Variants in ZEB1 observed in about 807,000 individuals in gnomAD.
ZEB1 encodes the protein zinc finger E-box-binding homeobox 1.
Under a neutral mutation model 84.9 loss-of-function variants are expected in ZEB1, and 21 were observed. That is an observed-to-expected ratio of 0.25 (90% confidence interval 0.18 to 0.36). The LOEUF (loss-of-function observed/expected upper bound fraction) is 0.36. Among genes scored for constraint, ZEB1 ranks in the 10% least tolerant of loss-of-function variants. ZEB1 has a pLI of 1.00. For synonymous variants in ZEB1, 420 were observed against 471.1 expected (o/e 0.89, Z 1.41); for missense variants, 1,104 against 1,330.2 (o/e 0.83, Z 2.65).
At chr10:31,511,330 GT>G (rs558219246) in intron 5 of ZEB1, among the ~76,000 whole-genome samples, 4 of 152,028 alleles carry the variant, frequency 2.6e-5, no homozygotes, top group African/African-American at 7.2e-5. Context: ...AAGCTACGTG[GT>G]TTTTTTCCCC....
intron 6 of ZEB1, among the ~76,000 whole-genome samples, chr10:31,518,413 T>TA (rs2071598923): frequency 6.6e-6 from 1 of 152,128 alleles, no homozygotes; most frequent in South Asian, 2.1e-4. Flanking sequence ...GAAGAAAAGT[T>TA]ACACTTGTTC....
At chr10:31,337,282 T>C (rs987078298) in intron 1 of ZEB1, among the ~76,000 whole-genome samples, 2 of 152,076 alleles carry the variant, frequency 1.3e-5, no homozygotes, top group Non-Finnish European at 2.9e-5. Flanking sequence ...AATACAAGTC[T>C]ATGATAAACA....
chr10:31,365,749 G>T (rs985383494), intron 1 of ZEB1, among the ~76,000 whole-genome samples: 1 of 152,106 alleles, frequency 6.6e-6, no homozygotes, highest in African/African-American at 2.4e-5. Flanking sequence ...AAAATTTTTT[G>T]AAAAAGTAGG....
At chr10:31,498,557 A>C (rs1005154473) in intron 3 of ZEB1, among the ~76,000 whole-genome samples, 3 of 152,092 alleles carry the variant, frequency 2.0e-5, no homozygotes, top group African/African-American at 7.2e-5. Flanking sequence ...TAATTCTTAC[A>C]ACAACCCTAA....
chr10:31,441,826 A>T lies in ZEB1; in HGVS notation c.59-19211A>T, dbSNP rs183747438. On this transcript the variant is annotated intron_variant, in intron 1 of 8. Coordinates refer to ENST00000424869, the MANE Select transcript of ZEB1 (RefSeq NM_001174096.2). ...GAAAAAATGCTCATTATCACTGGCC[A>T]TCAGAGAAATGCAAATCAAAACCAC... Among the ~76,000 whole-genome samples the T allele has an allele frequency of 3.3e-5, 5 of 152,392 alleles. No homozygotes were observed. In the East Asian group the frequency reaches 9.6e-4, roughly 29 times the overall value.
At chr10:31,505,372 C>T (rs1391493194) in intron 4 of ZEB1, among the ~76,000 whole-genome samples, 3 of 152,104 alleles carry the variant, frequency 2.0e-5, no homozygotes, top group Non-Finnish European at 2.9e-5. Context: ...AGTGTTAGCT[C>T]TTCTTTGACA....
chr10:31,517,070 A>G (rs189346176), intron 6 of ZEB1, among the ~76,000 whole-genome samples: 1 of 152,224 alleles, frequency 6.6e-6, no homozygotes, highest in Admixed American at 6.5e-5. Flanking sequence ...AAAAGAACCA[A>G]ACAAAGCCAA....
rs544630548 is a variant in ZEB1, at chr10:31,334,559, C to T, written c.58+15267C>T. ...AGAATTAGAAAAAAAGCATACTCCC[C>T]GATTGAAATAACAGGGGAATAATTA... On this transcript the variant is annotated intron_variant, in intron 1 of 8. Transcript: ENST00000424869. Among the ~76,000 whole-genome samples, 14 of 151,898 alleles carry T rather than the reference C, an allele frequency of 9.2e-5. No homozygotes were observed. The East Asian group carries it at 9.6e-4, about 10-fold the overall frequency.
rs140611114 is a variant in ZEB1, at chr10:31,521,020, C to T, written c.1688C>T (p.Pro563Leu). The change falls in exon 7 of 9, where the codon CCT becomes CTT. Residue 563 changes from proline (P) to leucine (L), a missense_variant. This residue lies in a region of ZEB1 where 531 missense variants were observed against 575.2 expected (regional missense o/e 0.92). Transcript: ENST00000424869. ...LKQPTQPPPLPAAEAEKPESS... is the reference protein window; with the variant it reads ...LKQPTQPPPLLAAEAEKPESS... ...CAGCCTACTCAGCCTCCTCCACTCC[C>T]TGCAGCAGAAGCTGAGAAGCCTGAG... 4 of 1,613,960 alleles carry T rather than the reference C, an allele frequency of 2.5e-6. No homozygotes were observed. The African/African-American group carries it at 5.3e-5, about 22-fold the overall frequency.
chr10:31,436,081 T>C (rs2058263685), intron 1 of ZEB1, among the ~76,000 whole-genome samples: 1 of 152,096 alleles, frequency 6.6e-6, no homozygotes, highest in Non-Finnish European at 1.5e-5. Flanking sequence ...CAGTAGCAAG[T>C]GAAGATGAAG....
intron 1 of ZEB1, among the ~76,000 whole-genome samples, chr10:31,424,548 TG>T (rs1214854339): frequency 6.6e-6 from 1 of 152,002 alleles, no homozygotes; most frequent in Non-Finnish European, 1.5e-5. Context: ...GAGTCCCTTA[TG>T]TACAAAAATA....
chr10:31,351,059 G>A (rs2041239572), intron 1 of ZEB1, among the ~76,000 whole-genome samples: 1 of 152,114 alleles, frequency 6.6e-6, no homozygotes, highest in African/African-American at 2.4e-5. Context: ...AGGCTCCTTT[G>A]CAGCCAAATA....
At chr10:31,319,496 G>C (rs1270065479) in intron 1 of ZEB1, 1 of 605,842 alleles carries the variant, frequency 1.7e-6, no homozygotes, top group East Asian at 2.8e-5. Flanking sequence ...CGCTCTCCCT[G>C]AACCGTTATG....
Position 31,527,367 on chromosome 10 carries a change from G to A in ZEB1, c.*103G>A. 6.9e-7 allele frequency: 1 copy of A among 1,452,960 alleles called. No homozygotes were observed. 90.0% of individuals were successfully genotyped at this position (1,452,960 alleles called of 1,614,324 possible). On this transcript the variant is annotated 3_prime_UTR_variant, in exon 9 of 9. Coordinates refer to ENST00000424869, the MANE Select transcript of ZEB1 (RefSeq NM_001174096.2). ...CAGTAACCTGTATGCTGTGATTCCT[G>A]TTCACTACTGTGTAAAGTAAAAACT...
Position 31,520,612 on chromosome 10 carries a change from G to C in ZEB1, c.1280G>C (p.Arg427Thr). The C allele has an allele frequency of 6.2e-7, 1 of 1,613,906 alleles. No homozygotes were observed. The highest frequency in any genetic ancestry group is 8.5e-7 in the Non-Finnish European group (1 of 1,179,966). Residue 427 changes from arginine (R) to threonine (T), a missense_variant, in exon 7 of 9, where the codon AGG (arginine) becomes ACG (threonine). Transcript: ENST00000424869. The surrounding 1 kb of genome is among the most constrained non-coding windows in gnomAD (Gnocchi z 5.1). ...GTGGCGGTAGATGGTAATGTAATAA[G>C]GCAAGTGTTGGAGAATAATCAAGCC... ...LKVAVDGNVI[R>T]QVLENNQANL...
intron 1 of ZEB1, among the ~76,000 whole-genome samples, chr10:31,335,873 T>C (rs906362562): frequency 6.6e-6 from 1 of 152,204 alleles, no homozygotes; most frequent in Non-Finnish European, 1.5e-5. Context: ...CACAGATGAA[T>C]TACTCAAAGT....
rs113837625 is a variant in ZEB1 at position 31,490,186 on chromosome 10, G to A, written c.260-5590G>A. Among the ~76,000 whole-genome samples the A allele has an allele frequency of 1.9e-3, 286 of 151,488 alleles. 6 individuals are homozygous for A. Among genetic ancestry groups the A allele is most frequent in the African/African-American group, 6.7e-3 (276 of 41,430 alleles). On this transcript the variant is annotated intron_variant, in intron 2 of 8. Coordinates refer to ENST00000424869, the MANE Select transcript of ZEB1 (RefSeq NM_001174096.2). ...GTTCGAGCCTAGATTTGGGGGGTTA[G>A]GAGGTTACTATTTGAGGTTCAGTTC... is the stretch of plus-strand genomic sequence containing the variant.
In ZEB1 at chr10:31,382,458, A is replaced by G. The variant is rs74652323; in HGVS notation, c.58+63166A>G. Among the ~76,000 whole-genome samples the G allele has an allele frequency of 2.6e-3, 403 of 152,280 alleles. 9 individuals are homozygous for G. Among genetic ancestry groups the G allele is most frequent in the Admixed American group, 0.016 (252 of 15,280 alleles). On this transcript the variant is annotated intron_variant, in intron 1 of 8. Coordinates refer to ENST00000424869, the MANE Select transcript of ZEB1 (RefSeq NM_001174096.2). ...GAATACAAAATTTGTCCCATCTGTT[A>G]TCATATACAGTAACTAAATGTATGA...
chr10:31,521,955 C>T lies in ZEB1; in HGVS notation c.2604+19C>T, dbSNP rs1400661414. On this transcript the variant is annotated intron_variant, in intron 7 of 8. Transcript: ENST00000424869. ...AAATCAGGTAAAAAATAACCTCCAT[C>T]CTGAACCTGGCTAGTAATATGCTAT... is the stretch of plus-strand genomic sequence containing the variant. 3.1e-6 allele frequency: 5 copies of T among 1,613,802 alleles called. No homozygotes were observed. In the African/African-American group the frequency reaches 4.0e-5, roughly 13 times the overall value.
Sources: allele counts gnomAD v4.1 joint callset (sites outside exome capture counted in the v4.1 genomes callset), GRCh38; gene constraint gnomAD v4.1.1; regional missense constraint gnomAD v4.1.1; non-coding constraint Gnocchi (gnomAD v3.1); transcripts MANE v1.5; gene names NCBI Gene and HGNC (gene_info 2026-07-23, HGNC 2026-07-21).